The following RBFOX1 variants were observed in gnomAD, a reference collection of about 807,000 sequenced individuals.
RBFOX1 encodes RNA binding fox-1 homolog 1.
A neutral mutation model predicts 57.7 loss-of-function variants in RBFOX1; 8 were observed. That is an observed-to-expected ratio of 0.14 (90% confidence interval 0.08 to 0.25). The LOEUF is 0.25. Among genes scored for constraint, RBFOX1 ranks in the 10% least tolerant of loss-of-function variants. RBFOX1 has a pLI of 1.00. For missense variants in RBFOX1, 611 were observed against 548.5 expected (o/e 1.11, Z -1.14); for synonymous variants, 326 against 222.4 (o/e 1.47, Z -4.15).
chr16:7,450,912 G>A (rs887608587), intron 4 of RBFOX1, among the ~76,000 whole-genome samples: 2 of 152,140 alleles, frequency 1.3e-5, no homozygotes, highest in Non-Finnish European at 2.9e-5. Flanking sequence ...CATCCACAGC[G>A]TAGGTTGGTA....
chr16:7,695,649 CAAAAAAAA>C (rs34363093), intron 14 of RBFOX1, among the ~76,000 whole-genome samples: 8 of 98,400 alleles, frequency 8.1e-5, no homozygotes, highest in African/African-American at 1.6e-4. Context: ...AAGCCTCCAT[CAAAAAAAA>C]AAAAAAAAAA....
intron 4 of RBFOX1, among the ~76,000 whole-genome samples, chr16:5,981,217 A>G (rs75799537): frequency 0.06 from 9,203 of 152,228 alleles, 671 homozygotes; most frequent in East Asian, 0.39. Context: ...GGCAGCAGCA[A>G]TGTGAAGGGT....
intron 4 of RBFOX1, among the ~76,000 whole-genome samples, chr16:5,898,002 C>G (rs1338701400): frequency 1.3e-5 from 2 of 152,188 alleles, no homozygotes; most frequent in East Asian, 3.9e-4. Context: ...ATACCTGAAA[C>G]TGGGTAATTT....
Position 7,709,072 on chromosome 16 carries a change from G to C in RBFOX1, c.1012G>C (p.Ala338Pro), listed in dbSNP as rs774583399. ...AYSDSYGRVY[A>P]ADPYHHALAP... ...TCCTTTCAGTTACGGACGAGTTTATGCTGCCGACCCCTACCACCACGCACT... is the reference window on the plus strand; with the variant it reads ...TCCTTTCAGTTACGGACGAGTTTATCCTGCCGACCCCTACCACCACGCACT... The change falls in exon 15 of 16, where the codon GCT becomes CCT. Residue 338 changes from alanine (A) to proline (P), a missense_variant. Ala to Pro is a conservative substitution (Grantham distance 27, BLOSUM62 -1). This residue lies in a region of RBFOX1 where 267 missense variants were observed against 229.1 expected (regional missense o/e 1.17). Coordinates refer to ENST00000550418, the MANE Select transcript of RBFOX1 (RefSeq NM_018723.4). 6.2e-7 allele frequency: 1 copy of C among 1,613,770 alleles called. No homozygotes were observed. Among genetic ancestry groups the C allele is most frequent in the South Asian group, 1.1e-5 (1 of 91,040 alleles).
intron 2 of RBFOX1, among the ~76,000 whole-genome samples, chr16:6,463,802 G>A (rs145669849): frequency 1.3e-5 from 2 of 152,148 alleles, no homozygotes; most frequent in Non-Finnish European, 2.9e-5. Flanking sequence ...ACTGAATCAC[G>A]TGCCCATCAC....
chr16:6,880,854 CTA>C (rs1426092863), intron 3 of RBFOX1, among the ~76,000 whole-genome samples: 7 of 152,250 alleles, frequency 4.6e-5, no homozygotes, highest in South Asian at 4.1e-4. Context: ...GGACAGCAAA[CTA>C]TATACATTTT....
intron 4 of RBFOX1, among the ~76,000 whole-genome samples, chr16:5,967,494 C>T (rs377555921): frequency 6.6e-6 from 1 of 152,178 alleles, no homozygotes; most frequent in Non-Finnish European, 1.5e-5. Flanking sequence ...TGACCATAAT[C>T]TGAGTGCTAG....
At chr16:5,675,274 C>A (rs1481616075) in intron 3 of RBFOX1, among the ~76,000 whole-genome samples, 17 of 152,112 alleles carry the variant, frequency 1.1e-4, no homozygotes, top group Admixed American at 1.0e-3. Context: ...AGTGAAAACA[C>A]ATTTTTGGGT....
At chr16:7,120,575 T>C (rs546381501) in intron 4 of RBFOX1, among the ~76,000 whole-genome samples, 3 of 151,748 alleles carry the variant, frequency 2.0e-5, no homozygotes, top group Non-Finnish European at 2.9e-5. Context: ...CCAAAACTTA[T>C]TCAAAACAAA....
intron 1 of RBFOX1, among the ~76,000 whole-genome samples, chr16:5,428,105 G>GGTGT (rs1169073538): frequency 1.4e-4 from 19 of 137,972 alleles, no homozygotes; most frequent in African/African-American, 2.8e-4. Context: ...GCTCTGGAAG[G>GGTGT]GTGTGTGTGT....
chr16:5,909,896 T>C (rs1480606327), intron 4 of RBFOX1, among the ~76,000 whole-genome samples: 4 of 151,830 alleles, frequency 2.6e-5, no homozygotes, highest in Non-Finnish European at 5.9e-5. Flanking sequence ...CCACTAAAAA[T>C]ACAAAAATTA....
At chr16:6,975,269 A>G (rs1203883514) in intron 3 of RBFOX1, among the ~76,000 whole-genome samples, 1 of 60,718 alleles carries the variant, frequency 1.6e-5, no homozygotes, top group Non-Finnish European at 3.2e-5. Flanking sequence ...TCCTTTTTTT[A>G]TTATTTTTTT....
At chr16:5,993,243 C>T (rs2060432284) in intron 4 of RBFOX1, among the ~76,000 whole-genome samples, 1 of 152,046 alleles carries the variant, frequency 6.6e-6, no homozygotes, top group Non-Finnish European at 1.5e-5. Flanking sequence ...GGCTCTGAGC[C>T]ATATAAACCC....
chr16:5,319,184 A>G (rs566090141), intron 1 of RBFOX1, among the ~76,000 whole-genome samples: 21 of 152,302 alleles, frequency 1.4e-4, no homozygotes, highest in African/African-American at 4.8e-4. Context: ...GTTTTCTCTT[A>G]TTGCAGAATA....
chr16:5,482,435 G>A (rs778847742), intron 2 of RBFOX1, among the ~76,000 whole-genome samples: 3 of 152,218 alleles, frequency 2.0e-5, no homozygotes, highest in South Asian at 2.1e-4. Context: ...ATGGCGAGGT[G>A]CAAATTTTCA....
intron 1 of RBFOX1, among the ~76,000 whole-genome samples, chr16:5,375,533 G>A (rs1366131650): frequency 6.6e-6 from 1 of 152,210 alleles, no homozygotes; most frequent in Admixed American, 6.5e-5. Context: ...ACTGCGAGGT[G>A]TGTACATGGA....
chr16:6,374,717 G>C (rs1459115264), intron 2 of RBFOX1, among the ~76,000 whole-genome samples: 1 of 152,200 alleles, frequency 6.6e-6, no homozygotes. Flanking sequence ...CGAAGAGACT[G>C]TTATTGCCAC....
At chr16:6,716,815 G>C (rs2064921089) in intron 3 of RBFOX1, among the ~76,000 whole-genome samples, 1 of 152,140 alleles carries the variant, frequency 6.6e-6, no homozygotes, top group South Asian at 2.1e-4. Flanking sequence ...GTTTGGGACA[G>C]CTGATGGCCG....
At chr16:6,902,519 C>G (rs540541825) in intron 3 of RBFOX1, among the ~76,000 whole-genome samples, 20 of 152,176 alleles carry the variant, frequency 1.3e-4, no homozygotes, top group African/African-American at 4.1e-4. Flanking sequence ...GGCAGGAGTT[C>G]AAGACCAGCC....
Sources: allele counts gnomAD v4.1 joint callset (sites outside exome capture counted in the v4.1 genomes callset), GRCh38; gene constraint gnomAD v4.1.1; regional missense constraint gnomAD v4.1.1; transcripts MANE v1.5; gene names NCBI Gene and HGNC (gene_info 2026-07-23, HGNC 2026-07-21).